Variants in ELMO1 observed in about 807,000 individuals in gnomAD.
ELMO1 encodes engulfment and cell motility protein 1.
In ELMO1, 26 loss-of-function variants were observed where a neutral mutation model predicts 98.9. That is an observed-to-expected ratio of 0.26 (90% CI 0.19 to 0.36). The LOEUF (loss-of-function observed/expected upper bound fraction) is 0.36. Ranked by LOEUF, ELMO1 falls within the 10% of genes least tolerant of loss-of-function variation. ELMO1 has a pLI of 1.00. For synonymous variants in ELMO1, 346 were observed against 346.0 expected (o/e 1.00, Z 0.00); for missense variants, 627 against 935.2 (o/e 0.67, Z 4.30).
chr7:37,063,784 A>C (rs555543578), intron 15 of ELMO1, among the ~76,000 whole-genome samples: 2 of 152,216 alleles, frequency 1.3e-5, no homozygotes, highest in African/African-American at 4.8e-5. Flanking sequence ...GAATCAGCAC[A>C]TTGCAACACT....
chr7:37,020,441 T>G (rs1794202114), intron 15 of ELMO1, among the ~76,000 whole-genome samples: 1 of 152,236 alleles, frequency 6.6e-6, no homozygotes. Flanking sequence ...GGATTTATTC[T>G]TTCTTTCGTA....
At chr7:36,857,893 C>G (rs1231696935) in intron 21 of ELMO1, among the ~76,000 whole-genome samples, 2 of 152,182 alleles carry the variant, frequency 1.3e-5, no homozygotes, top group African/African-American at 4.8e-5. Context: ...AACACTCCAT[C>G]ATACCAGAAT....
chr7:37,013,823 T>C (rs943577517), intron 15 of ELMO1, among the ~76,000 whole-genome samples: 4 of 152,248 alleles, frequency 2.6e-5, no homozygotes, highest in Non-Finnish European at 1.5e-5. Flanking sequence ...AATTTCCTCT[T>C]TCTTATCAGA....
chr7:37,397,516 G>A (rs1377852301), intron 1 of ELMO1, among the ~76,000 whole-genome samples: 3 of 152,280 alleles, frequency 2.0e-5, no homozygotes, highest in Admixed American at 2.0e-4. Context: ...GGACCCCTCA[G>A]ATCTATTTGT....
intron 2 of ELMO1, among the ~76,000 whole-genome samples, chr7:37,331,333 C>CTTTGTTTTTTTT (rs1800100491): frequency 7.0e-5 from 2 of 28,716 alleles, no homozygotes; most frequent in Non-Finnish European, 1.4e-4. Flanking sequence ...CCACGCCTGG[C>CTTTGTTTTTTTT]TTTTTTTTTT....
At chr7:36,912,063 G>A (rs1416190366) in intron 16 of ELMO1, among the ~76,000 whole-genome samples, 1 of 152,192 alleles carries the variant, frequency 6.6e-6, no homozygotes. Flanking sequence ...GTTACACCGA[G>A]GAAGGCTGCA....
chr7:37,001,820 GT>G (rs1441719544), intron 16 of ELMO1, among the ~76,000 whole-genome samples: 6 of 152,102 alleles, frequency 3.9e-5, no homozygotes, highest in Non-Finnish European at 7.3e-5. Flanking sequence ...ATTACTTTAG[GT>G]GAATTAAAGA....
rs368867055 is a variant in ELMO1 at position 37,431,494 on chromosome 7, G to A, written c.-74+17181C>T. Among the ~76,000 whole-genome samples the A allele has an allele frequency of 6.6e-5, 10 of 152,138 alleles. No individual in the cohort carries two copies. In the East Asian group the frequency reaches 9.6e-4, roughly 15 times the overall value. On this transcript the variant is annotated intron_variant, in intron 1 of 21. Transcript: ENST00000310758. ...TAAGTGGAAAAGTTCTAGGTCAAGT[G>A]AACAAAAGTCTAATATGAATCATAA...
intron 16 of ELMO1, among the ~76,000 whole-genome samples, chr7:36,998,579 T>C (rs1188975969): frequency 6.6e-6 from 1 of 152,160 alleles, no homozygotes; most frequent in Non-Finnish European, 1.5e-5. Flanking sequence ...CTATCTTGCA[T>C]GTATGTTCAT....
At chr7:37,382,836 C>A (rs1220131783) in intron 1 of ELMO1, among the ~76,000 whole-genome samples, 1 of 151,910 alleles carries the variant, frequency 6.6e-6, no homozygotes, top group African/African-American at 2.4e-5. Context: ...CAGGTGTATG[C>A]ATGCTGCATG....
At chr7:37,236,688 G>A (rs1794485205) in intron 7 of ELMO1, among the ~76,000 whole-genome samples, 1 of 152,144 alleles carries the variant, frequency 6.6e-6, no homozygotes, top group African/African-American at 2.4e-5. Flanking sequence ...CCATATGGAA[G>A]AACTTTTTCC....
intron 13 of ELMO1, among the ~76,000 whole-genome samples, chr7:37,161,762 T>A (rs1789216777): frequency 6.6e-6 from 1 of 150,558 alleles, no homozygotes; most frequent in Non-Finnish European, 1.5e-5. Flanking sequence ...AATTACTACC[T>A]TAAGAAAATG....
Position 37,058,664 on chromosome 7 carries a change from T to C in ELMO1, c.1300+37955A>G, listed in dbSNP as rs142146154. 9.0e-3 allele frequency among the ~76,000 whole-genome samples: 1,377 copies of C among 152,172 alleles called. 6 individuals carry two copies. Among genetic ancestry groups the C allele is most frequent in the Middle Eastern group, 0.014 (4 of 294 alleles). On this transcript the variant is annotated intron_variant, in intron 15 of 21. Transcript: ENST00000310758. ...CCTTCTGTGGGAGTGTGATATGACC[T>C]TTCCTCCGGAGAATCTCAATGCAGG...
intron 13 of ELMO1, among the ~76,000 whole-genome samples, chr7:37,179,603 A>G (rs1436479084): frequency 6.6e-6 from 1 of 152,154 alleles, no homozygotes; most frequent in East Asian, 1.9e-4. Context: ...CAACTTTAAA[A>G]ACAAAAGGCA....
intron 16 of ELMO1, among the ~76,000 whole-genome samples, chr7:36,963,134 C>T (rs969073381): frequency 6.6e-6 from 1 of 151,716 alleles, no homozygotes; most frequent in East Asian, 1.9e-4. Flanking sequence ...CCTGTAATCC[C>T]AGCACTTTGG....
intron 16 of ELMO1, among the ~76,000 whole-genome samples, chr7:36,990,189 A>G (rs1334328332): frequency 6.6e-6 from 1 of 152,182 alleles, no homozygotes; most frequent in Non-Finnish European, 1.5e-5. Context: ...TGGGTGCTCT[A>G]TTTAGTTAAC....
intron 16 of ELMO1, among the ~76,000 whole-genome samples, chr7:36,999,499 A>T: frequency 6.6e-6 from 1 of 152,162 alleles, no homozygotes; most frequent in East Asian, 1.9e-4. Flanking sequence ...TAGGGTGTGA[A>T]TCCCACTCCT....
At chr7:36,982,426 A>G (rs758179938) in intron 16 of ELMO1, among the ~76,000 whole-genome samples, 2 of 152,202 alleles carry the variant, frequency 1.3e-5, no homozygotes, top group Non-Finnish European at 2.9e-5. Context: ...GTTTCTTTTT[A>G]CTTTTTTCAG....
intron 15 of ELMO1, among the ~76,000 whole-genome samples, chr7:37,064,607 C>G (rs968065394): frequency 2.0e-5 from 3 of 152,216 alleles, no homozygotes; most frequent in African/African-American, 7.2e-5. Flanking sequence ...ACAATACGCA[C>G]TCAGAAATGT....
Sources: allele counts gnomAD v4.1 joint callset (sites outside exome capture counted in the v4.1 genomes callset), GRCh38; gene constraint gnomAD v4.1.1; transcripts MANE v1.5; gene names NCBI Gene and HGNC (gene_info 2026-07-23, HGNC 2026-07-21).